TMEM161B: variants seen among roughly 807,000 people sequenced by gnomAD.
TMEM161B encodes the protein transmembrane protein 161B.
In TMEM161B, 34 loss-of-function variants were observed where a neutral mutation model predicts 61.8. That is an observed-to-expected ratio of 0.55 (90% CI 0.42 to 0.73). The LOEUF (loss-of-function observed/expected upper bound fraction) is 0.73. Among genes scored for constraint, TMEM161B ranks in the 30% least tolerant of loss-of-function variants. The pLI is 0.00. For synonymous variants in TMEM161B, 167 were observed against 192.8 expected (o/e 0.87, Z 1.11); for missense variants, 456 against 558.5 (o/e 0.82, Z 1.85).
chr5:88,253,797 G>C (rs983687418), intron 1 of TMEM161B, among the ~76,000 whole-genome samples: 1 of 151,982 alleles, frequency 6.6e-6, no homozygotes, highest in African/African-American at 2.4e-5. Context: ...AAGCAAAACA[G>C]CTTTTAAATC....
At chr5:88,264,031 C>T (rs568157769) in intron 1 of TMEM161B, among the ~76,000 whole-genome samples, 2 of 152,164 alleles carry the variant, frequency 1.3e-5, no homozygotes, top group African/African-American at 4.8e-5. Context: ...AATTACCACT[C>T]AGCTGGCAAA....
At chr5:88,188,761 GCT>G (rs1748522935), downstream of TMEM161B, among the ~76,000 whole-genome samples, 1 of 152,142 alleles carries the variant, frequency 6.6e-6, no homozygotes, top group African/African-American at 2.4e-5. Flanking sequence ...CCTTTTAATG[GCT>G]TACAGCTCTA....
At position 88,196,156 on chromosome 5, in the gene TMEM161B, C is replaced by A; in HGVS notation, c.*55G>T. The A allele has an allele frequency of 6.5e-7, 1 of 1,536,304 alleles. No individual in the cohort carries two copies. The highest frequency in any genetic ancestry group is 8.7e-7 in the Non-Finnish European group (1 of 1,148,128). On this transcript the variant is annotated 3_prime_UTR_variant, in exon 12 of 12. Coordinates refer to ENST00000296595, the MANE Select transcript of TMEM161B (RefSeq NM_153354.5). ...CTGGTTTTCATCAGCCCTTTAAGGG[C>A]ACAGATATTTTAATTTAAAGGGTGA...
chr5:88,250,077 C>T (rs555419990), intron 1 of TMEM161B, among the ~76,000 whole-genome samples: 1 of 152,154 alleles, frequency 6.6e-6, no homozygotes, highest in East Asian at 1.9e-4. Context: ...TTCATTACAG[C>T]CTAAGACTAG....
chr5:88,200,672 G>C (rs1341247233), intron 9 of TMEM161B: 1 of 152,070 alleles, frequency 6.6e-6, no homozygotes, highest in African/African-American at 2.4e-5. Context: ...TGATCTGATA[G>C]AGTATCTCAA....
intron 1 of TMEM161B, among the ~76,000 whole-genome samples, chr5:88,256,682 C>A (rs947238378): frequency 1.4e-4 from 21 of 152,316 alleles, no homozygotes; most frequent in African/African-American, 5.1e-4. Context: ...AAATGGCATT[C>A]ATCTCATTTC....
downstream of TMEM161B, among the ~76,000 whole-genome samples, chr5:88,194,690 A>G (rs1454865490): frequency 6.6e-6 from 1 of 152,138 alleles, no homozygotes. Context: ...GGAATTTGCT[A>G]TATTAAAATT....
intron 2 of TMEM161B, among the ~76,000 whole-genome samples, chr5:88,238,862 T>A (rs532364726): frequency 6.6e-6 from 1 of 152,014 alleles, no homozygotes; most frequent in East Asian, 1.9e-4. Flanking sequence ...AAAAGGTAGA[T>A]AATCTTAAAA....
At chr5:88,205,649 A>G (rs927644674) in intron 8 of TMEM161B, 165 bp downstream of exon 8, 45 of 699,904 alleles carry the variant, frequency 6.4e-5, no homozygotes, top group Non-Finnish European at 9.0e-5. Flanking sequence ...AAAATTTAGA[A>G]GCAAATAAAA....
chr5:88,195,214 C>G lies in TMEM161B; in HGVS notation c.*997G>C, dbSNP rs556181878. The stretch of plus-strand genomic sequence containing the variant: ...TAAATTGCTTACTCTGCTGAACTTT[C>G]AAAATGTATTTTAATCTCATTCCAA... On this transcript the variant is annotated 3_prime_UTR_variant, in exon 12 of 12. Transcript: ENST00000296595. 27 of 979,466 alleles carry G rather than the reference C, an allele frequency of 2.8e-5. No individual in the cohort carries two copies. The South Asian group carries it at 7.1e-4, about 26-fold the overall frequency. The allele number at this position is 979,466 out of a possible 1,614,324, so 60.7% of individuals were successfully genotyped here. A position where few individuals can be genotyped will look rare whatever the true frequency, so the allele number is the denominator to read the frequency against.
chr5:88,196,794 C>A (rs1749726330), intron 11 of TMEM161B, among the ~76,000 whole-genome samples: 1 of 152,048 alleles, frequency 6.6e-6, no homozygotes, highest in Admixed American at 6.6e-5. Flanking sequence ...AATTAATCAG[C>A]TAACTCTACT....
chr5:88,252,414 A>C (rs1754451742), intron 1 of TMEM161B, among the ~76,000 whole-genome samples: 1 of 152,194 alleles, frequency 6.6e-6, no homozygotes, highest in Non-Finnish European at 1.5e-5. Flanking sequence ...AAATAATTCA[A>C]GTAACACATA....
intron 5 of TMEM161B, among the ~76,000 whole-genome samples, chr5:88,211,320 A>G (rs33708): frequency 0.29 from 43,727 of 151,784 alleles, 7,352 homozygotes; most frequent in African/African-American, 0.44. Flanking sequence ...ATATTTCATA[A>G]AGCTAGACAA....
At chr5:88,216,426 T>C (rs1308967281) in intron 5 of TMEM161B, among the ~76,000 whole-genome samples, 1 of 152,254 alleles carries the variant, frequency 6.6e-6, no homozygotes, top group Non-Finnish European at 1.5e-5. Flanking sequence ...TATTTTCACA[T>C]ATTTAATACT....
intron 5 of TMEM161B, among the ~76,000 whole-genome samples, chr5:88,209,199 T>C (rs1248423398): frequency 6.6e-6 from 1 of 152,152 alleles, no homozygotes; most frequent in Non-Finnish European, 1.5e-5. Context: ...AGAGCTTACA[T>C]ATTAGAAGAG....
intron 4 of TMEM161B, chr5:88,221,787 C>T (rs941702181): frequency 9.2e-5 from 42 of 455,742 alleles, no homozygotes; most frequent in Middle Eastern, 6.7e-4. Flanking sequence ...AAATCATGTA[C>T]ATAACCATCA....
At chr5:88,212,157 C>G (rs551702108) in intron 5 of TMEM161B, among the ~76,000 whole-genome samples, 2 of 152,116 alleles carry the variant, frequency 1.3e-5, no homozygotes, top group South Asian at 4.2e-4. Context: ...TGGAGCAATG[C>G]CTTCAAAATT....
Position 88,211,150 on chromosome 5 carries a change from T to TA in TMEM161B, c.447-3971dup, listed in dbSNP as rs548516810. ...AGATGTATTAGAGTATCACATCTTA[T>TA]AAAAAAAATACGAGCTAAAATCTGC... On this transcript the variant is annotated intron_variant, in intron 5 of 11. Transcript: ENST00000296595. Among the ~76,000 whole-genome samples the TA allele has an allele frequency of 3.2e-4, 49 of 150,880 alleles. No individual in the cohort carries two copies. In the East Asian group the frequency reaches 3.7e-3, roughly 11 times the overall value.
intron 5 of TMEM161B, among the ~76,000 whole-genome samples, chr5:88,213,207 T>G (rs1329166718): frequency 1.3e-5 from 2 of 152,152 alleles, no homozygotes; most frequent in African/African-American, 4.8e-5. Flanking sequence ...TACCAAGAAC[T>G]TATTACAGAT....
Sources: allele counts gnomAD v4.1 joint callset (sites outside exome capture counted in the v4.1 genomes callset), GRCh38; gene constraint gnomAD v4.1.1; transcripts MANE v1.5; gene names NCBI Gene and HGNC (gene_info 2026-07-23, HGNC 2026-07-21).